CCR7: variants seen among roughly 807,000 people sequenced by gnomAD.
CCR7 encodes the protein C-C chemokine receptor type 7.
A neutral mutation model predicts 26.0 loss-of-function variants in CCR7; 11 were observed. That is an observed-to-expected ratio of 0.42 (90% CI 0.27 to 0.70). CCR7 has a LOEUF of 0.70. Ranked by LOEUF, CCR7 falls within the 30% of genes least tolerant of loss-of-function variation. The probability of loss-of-function intolerance (pLI) is 0.23; values close to 1 mark genes in which losing one functional copy is unlikely to be tolerated. For missense variants in CCR7, 360 were observed against 504.0 expected, an observed-to-expected ratio of 0.71 and a Z score of 2.74; for synonymous variants, 189 against 202.1, an observed-to-expected ratio of 0.94 and a Z score of 0.55.
intron 2 of CCR7, among the ~76,000 whole-genome samples, chr17:40,558,559 A>G (rs965855850): frequency 1.2e-4 from 19 of 152,070 alleles, no homozygotes; most frequent in Non-Finnish European, 2.8e-4. Flanking sequence ...ACCCAGTAAC[A>G]TTTTTTGCTT....
chr17:40,554,553 T>C lies in CCR7; in HGVS notation c.*189A>G, dbSNP rs1042491. The stretch of plus-strand genomic sequence containing the variant: ...TTAGCTTATCAGCCCTGTCTTTTTT[T>C]GGCATTGGTTGAGGTAGCTGGGATT... On this transcript the variant is annotated 3_prime_UTR_variant, in exon 3 of 3. Transcript: ENST00000246657. 2 of 631,330 alleles carry C rather than the reference T, an allele frequency of 3.2e-6. No homozygotes were observed. The highest frequency in any genetic ancestry group is 5.6e-6 in the Non-Finnish European group (2 of 355,674). The allele number at this position is 631,330 out of a possible 1,614,324, so 39.1% of individuals were successfully genotyped here.
chr17:40,555,711 A>G lies in CCR7; in HGVS notation c.168T>C (p.Phe56=). 1 of 1,614,156 alleles carries G rather than the reference A, an allele frequency of 6.2e-7. No individual in the cohort carries two copies. Among genetic ancestry groups the G allele is most frequent in the Non-Finnish European group, 8.5e-7 (1 of 1,180,014 alleles). Reference sequence around the variant, plus strand: ...ACATGATAGGGAGGAACCAGGCTTTAAAGTTCCGCACGTCCTTCTTGGAGC... The same window carrying G: ...ACATGATAGGGAGGAACCAGGCTTTGAAGTTCCGCACGTCCTTCTTGGAGC... The part of the protein sequence containing the change: ...SLCSKKDVRN[F]KAWFLPIMYS... The change falls in exon 3 of 3, where the codon TTT becomes TTC. Residue 56 remains phenylalanine (F), a synonymous_variant. Transcript: ENST00000246657. This position sits in a 1 kb window ranked among gnomAD's most constrained non-coding sequence, Gnocchi z 5.6.
chr17:40,562,799 C>G (rs532467710), intron 1 of CCR7, among the ~76,000 whole-genome samples: 1 of 152,100 alleles, frequency 6.6e-6, no homozygotes, highest in Non-Finnish European at 1.5e-5. Flanking sequence ...ACCATCTACA[C>G]GGCTGCAGCC....
At chr17:40,564,380 G>T (rs554654727) in intron 1 of CCR7, among the ~76,000 whole-genome samples, 1 of 152,214 alleles carries the variant, frequency 6.6e-6, no homozygotes, top group Non-Finnish European at 1.5e-5. Context: ...TGAAATCAAG[G>T]AGGCTGTGGT....
In CCR7 at chr17:40,555,398, C is replaced by G; in HGVS notation, c.481G>C (p.Ala161Pro). Residue 161 changes from alanine (A) to proline (P), a missense_variant, in exon 3 of 3, where the codon GCT (alanine) becomes CCT (proline). Transcript: ENST00000246657. This position sits in a 1 kb window ranked among gnomAD's most constrained non-coding sequence, Gnocchi z 5.6. ...SIDRYVAIVQ[A>P]VSAHRHRARV... ...GCACGGTGGCGGTGAGCTGAGACAGCCTGGACGATGGCCACGTAGCGGTCA... is the reference window on the plus strand; with the variant it reads ...GCACGGTGGCGGTGAGCTGAGACAGGCTGGACGATGGCCACGTAGCGGTCA... The G allele has an allele frequency of 3.7e-6, 6 of 1,614,032 alleles. No individual in the cohort carries two copies. The highest frequency in any genetic ancestry group is 5.1e-6 in the Non-Finnish European group (6 of 1,180,042).
At chr17:40,562,003 C>G (rs2036660906) in intron 1 of CCR7, among the ~76,000 whole-genome samples, 1 of 152,174 alleles carries the variant, frequency 6.6e-6, no homozygotes, top group African/African-American at 2.4e-5. Flanking sequence ...CATGTATGGT[C>G]TCATTTCATC....
At chr17:40,556,891 T>G (rs1273828322) in intron 2 of CCR7, among the ~76,000 whole-genome samples, 8 of 152,104 alleles carry the variant, frequency 5.3e-5, no homozygotes, top group African/African-American at 1.9e-4. Context: ...TCATGGGTGG[T>G]GGGTGACCTG....
rs766799198 is a variant in CCR7 at position 40,554,874 on chromosome 17, G to A, written c.1005C>T (p.Asn335=). 29 of 1,614,094 alleles carry A rather than the reference G, an allele frequency of 1.8e-5. No individual in the cohort carries two copies. The highest frequency in any genetic ancestry group is 5.5e-5 in the South Asian group (5 of 91,076). The change falls in exon 3 of 3, where the codon AAC becomes AAT. Residue 335 remains asparagine (N), a synonymous_variant. Transcript: ENST00000246657. ...LYAFIGVKFR[N]DLFKLFKDLG... Reference sequence around the variant, plus strand: ...GGTCCTTGAAGAGCTTGAAGAGATCGTTGCGGAACTTGACGCCGATGAAGG... The same window carrying A: ...GGTCCTTGAAGAGCTTGAAGAGATCATTGCGGAACTTGACGCCGATGAAGG...
chr17:40,555,386 G>A lies in CCR7; in HGVS notation c.493C>T (p.His165Tyr), dbSNP rs1364141913. The A allele has an allele frequency of 1.9e-6, 3 of 1,614,092 alleles. No individual in the cohort carries two copies. The highest frequency in any genetic ancestry group is 3.3e-5 in the Admixed American group (2 of 60,018). The change falls in exon 3 of 3, where the codon CAC (histidine) becomes TAC (tyrosine). Residue 165 changes from histidine to tyrosine, a missense_variant. His to Tyr is a moderately conservative substitution (Grantham distance 83). Transcript: ENST00000246657. The surrounding 1 kb of genome is among the most constrained non-coding windows in gnomAD (Gnocchi z 5.6). Reference sequence around the variant, plus strand: ...AGAAGGACGCGGGCACGGTGGCGGTGAGCTGAGACAGCCTGGACGATGGCC... The same window carrying A: ...AGAAGGACGCGGGCACGGTGGCGGTAAGCTGAGACAGCCTGGACGATGGCC... ...YVAIVQAVSA[H>Y]RHRARVLLIS... is the part of the protein sequence containing the mutation.
chr17:40,558,744 G>C (rs2036619785), intron 2 of CCR7, 149 bp downstream of exon 2: 1 of 704,982 alleles, frequency 1.4e-6, no homozygotes, highest in Non-Finnish European at 2.6e-6. Flanking sequence ...AGCAGATGGT[G>C]AGGGGGCAGC....
intron 1 of CCR7, among the ~76,000 whole-genome samples, chr17:40,560,272 G>C (rs1246546183): frequency 1.3e-5 from 2 of 152,254 alleles, no homozygotes; most frequent in Non-Finnish European, 2.9e-5. Flanking sequence ...GTCCCAGCTA[G>C]GTAGGGCCTG....
chr17:40,557,498 T>C (rs1362636313), intron 2 of CCR7, among the ~76,000 whole-genome samples: 2 of 152,246 alleles, frequency 1.3e-5, no homozygotes, highest in Non-Finnish European at 2.9e-5. Context: ...CCAGGAGCCT[T>C]TTCTTTGGCC....
chr17:40,564,101 G>A (rs1481379777), intron 1 of CCR7, among the ~76,000 whole-genome samples: 1 of 152,018 alleles, frequency 6.6e-6, no homozygotes, highest in Admixed American at 6.6e-5. Flanking sequence ...GTGATGGGGG[G>A]TGGTGGAGGG....
chr17:40,560,422 G>C (rs1309647028), intron 1 of CCR7, among the ~76,000 whole-genome samples: 3 of 152,208 alleles, frequency 2.0e-5, no homozygotes, highest in Non-Finnish European at 4.4e-5. Flanking sequence ...TGAGAGCCCA[G>C]CGCTTCCGTG....
intron 1 of CCR7, among the ~76,000 whole-genome samples, chr17:40,562,959 C>T (rs964149085): frequency 6.6e-6 from 1 of 152,202 alleles, no homozygotes; most frequent in African/African-American, 2.4e-5. Flanking sequence ...TTGTCGGCCT[C>T]TGATGGCAAT....
Position 40,554,834 on chromosome 17 carries a change from G to C in CCR7, c.1045C>G (p.Gln349Glu). 2 of 1,614,226 alleles carry C rather than the reference G, an allele frequency of 1.2e-6. No individual in the cohort carries two copies. Among genetic ancestry groups the C allele is most frequent in the Non-Finnish European group, 1.7e-6 (2 of 1,180,038 alleles). The change falls in exon 3 of 3, where the codon CAG (glutamine) becomes GAG (glutamate). Residue 349 changes from glutamine to glutamate, a missense_variant. Physicochemically the swap from Gln to Glu is conservative, Grantham distance 29 (BLOSUM62 2). Transcript: ENST00000246657. ...KLFKDLGCLSQEQLRQWSSCR... is the reference protein window; with the variant it reads ...KLFKDLGCLSEEQLRQWSSCR... ...GAAGACCACTGCCGGAGCTGCTCCTGGCTGAGGCAGCCCAGGTCCTTGAAG... is the reference window on the plus strand; with the variant it reads ...GAAGACCACTGCCGGAGCTGCTCCTCGCTGAGGCAGCCCAGGTCCTTGAAG...
intron 1 of CCR7, among the ~76,000 whole-genome samples, chr17:40,565,116 T>C (rs1349128842): frequency 6.6e-6 from 1 of 152,062 alleles, no homozygotes; most frequent in Non-Finnish European, 1.5e-5. Flanking sequence ...GCCACTCTCT[T>C]ATGTCCCTGC....
At chr17:40,561,862 G>T (rs962344781) in intron 1 of CCR7, among the ~76,000 whole-genome samples, 2 of 152,146 alleles carry the variant, frequency 1.3e-5, no homozygotes, top group African/African-American at 4.8e-5. Context: ...GAGATCTGGG[G>T]AATCCACTTT....
chr17:40,555,719 G>T lies in CCR7; in HGVS notation c.160C>A (p.Arg54=), dbSNP rs759676455. The change falls in exon 3 of 3, where the codon CGG becomes AGG. Residue 54 remains arginine, a synonymous_variant. Transcript: ENST00000246657. The surrounding 1 kb of genome is among the most constrained non-coding windows in gnomAD (Gnocchi z 5.6). ...FESLCSKKDV[R]NFKAWFLPIM... ...GGGAGGAACCAGGCTTTAAAGTTCC[G>T]CACGTCCTTCTTGGAGCACAAAGAC... The T allele has an allele frequency of 1.1e-5, 17 of 1,614,114 alleles. No homozygotes were observed. The highest frequency in any genetic ancestry group is 1.7e-5 in the Admixed American group (1 of 60,026).
Sources: allele counts gnomAD v4.1 joint callset (sites outside exome capture counted in the v4.1 genomes callset), GRCh38; gene constraint gnomAD v4.1.1; non-coding constraint Gnocchi (gnomAD v3.1); transcripts MANE v1.5; gene names NCBI Gene and HGNC (gene_info 2026-07-23, HGNC 2026-07-21).